Variants in CDH20 observed in about 807,000 individuals in gnomAD.
CDH20 encodes the protein cadherin 20.
CDH20 carries 29 observed loss-of-function variants against 74.2 expected under a neutral mutation model. That is an observed-to-expected ratio of 0.39 (90% CI 0.29 to 0.53). The LOEUF (loss-of-function observed/expected upper bound fraction) is 0.53, where lower values mean the gene tolerates loss of function less well. Among genes scored for constraint, CDH20 ranks in the 20% least tolerant of loss-of-function variants. CDH20 has a pLI of 0.69. For missense variants in CDH20, 988 were observed against 1,048.3 expected (o/e 0.94, Z 0.79); for synonymous variants, 469 against 405.4 (o/e 1.16, Z -1.88).
chr18:61,430,311 T>C (rs532996667), intron 1 of CDH20, among the ~76,000 whole-genome samples: 26 of 152,246 alleles, frequency 1.7e-4, no homozygotes, highest in African/African-American at 5.1e-4. Context: ...TACTAGTCAG[T>C]TGATTTCAGA....
At chr18:61,382,338 T>G (rs1460675012) in intron 1 of CDH20, among the ~76,000 whole-genome samples, 1 of 152,162 alleles carries the variant, frequency 6.6e-6, no homozygotes, top group Non-Finnish European at 1.5e-5. Flanking sequence ...CTAAAGAAAC[T>G]AGAGTAAAAC....
chr18:61,462,569 C>A (rs1599101541), intron 1 of CDH20, among the ~76,000 whole-genome samples: 1 of 152,158 alleles, frequency 6.6e-6, no homozygotes, highest in South Asian at 2.1e-4. Flanking sequence ...TGGAATATAG[C>A]CAGTAACTTT....
At chr18:61,522,882 A>C (rs1912260527) in intron 6 of CDH20, among the ~76,000 whole-genome samples, 3 of 152,142 alleles carry the variant, frequency 2.0e-5, no homozygotes, top group Non-Finnish European at 4.4e-5. Context: ...CTGAAACTGG[A>C]CCCCTTCCTT....
intron 1 of CDH20, among the ~76,000 whole-genome samples, chr18:61,425,420 G>A (rs990045279): frequency 2.0e-5 from 3 of 152,170 alleles, no homozygotes; most frequent in African/African-American, 7.2e-5. Context: ...GGCTGAGGGG[G>A]CAGAGGCATG....
chr18:61,337,312 A>G lies in CDH20; in HGVS notation c.-153+3485A>G, dbSNP rs114851751. Among the ~76,000 whole-genome samples, 1,371 of 152,286 alleles carry G rather than the reference A, an allele frequency of 9.0e-3. 17 individuals are homozygous for G. Among genetic ancestry groups the G allele is most frequent in the African/African-American group, 0.03 (1,263 of 41,556 alleles). ...ATATGGGGAAAATTTCTTGCCCTCT[A>G]AAAACAGCATGTGAAGTTATAATAA... is the stretch of plus-strand genomic sequence containing the variant. On this transcript the variant is annotated intron_variant, in intron 1 of 11. Transcript: ENST00000262717.
intron 1 of CDH20, among the ~76,000 whole-genome samples, chr18:61,336,056 G>C (rs1244530407): frequency 6.6e-6 from 1 of 152,200 alleles, no homozygotes; most frequent in Non-Finnish European, 1.5e-5. Context: ...TGTAGTAAGT[G>C]CTGAGGGTTG....
chr18:61,425,292 C>T (rs185822428), intron 1 of CDH20, among the ~76,000 whole-genome samples: 1 of 152,276 alleles, frequency 6.6e-6, no homozygotes, highest in Non-Finnish European at 1.5e-5. Context: ...GAAGATGGAC[C>T]GGGAAGTGAT....
At chr18:61,335,050 A>T (rs1018608974) in intron 1 of CDH20, among the ~76,000 whole-genome samples, 1 of 152,122 alleles carries the variant, frequency 6.6e-6, no homozygotes, top group Non-Finnish European at 1.5e-5. Flanking sequence ...GATCTACCTA[A>T]GAACAACAAA....
At chr18:61,496,650 C>T (rs1404880013) in intron 2 of CDH20, among the ~76,000 whole-genome samples, 2 of 152,176 alleles carry the variant, frequency 1.3e-5, no homozygotes, top group Non-Finnish European at 2.9e-5. Context: ...TCACCTGCGG[C>T]CTGCCGGGAT....
At chr18:61,337,165 A>G (rs1224057374) in intron 1 of CDH20, among the ~76,000 whole-genome samples, 1 of 152,226 alleles carries the variant, frequency 6.6e-6, no homozygotes, top group Non-Finnish European at 1.5e-5. Context: ...CATTTGTTTT[A>G]CTTTGATGGT....
intron 1 of CDH20, among the ~76,000 whole-genome samples, chr18:61,432,064 G>A (rs967303840): frequency 8.6e-5 from 13 of 151,872 alleles, no homozygotes; most frequent in Non-Finnish European, 1.9e-4. Context: ...GGCCAACATG[G>A]TGAAACCCCA....
At chr18:61,406,110 T>TA in intron 1 of CDH20, among the ~76,000 whole-genome samples, 1 of 152,264 alleles carries the variant, frequency 6.6e-6, no homozygotes, top group African/African-American at 2.4e-5. Context: ...AAAGCTTTCC[T>TA]AAAATATTTG....
chr18:61,432,090 C>CA (rs1030933036), intron 1 of CDH20, among the ~76,000 whole-genome samples: 10 of 151,104 alleles, frequency 6.6e-5, no homozygotes, highest in South Asian at 2.1e-4. Context: ...ACTAAAAATA[C>CA]AAAAAAAATT....
At chr18:61,499,529 TACACAC>T in intron 3 of CDH20, 49 bp downstream of exon 3, 1 of 1,046,296 alleles carries the variant, frequency 9.6e-7, no homozygotes, top group Non-Finnish European at 1.4e-6. Flanking sequence ...CCTATATATA[TACACAC>T]ACACACACAT....
intron 1 of CDH20, among the ~76,000 whole-genome samples, chr18:61,430,376 A>T (rs1359051517): frequency 6.6e-6 from 1 of 152,132 alleles, no homozygotes; most frequent in Non-Finnish European, 1.5e-5. Context: ...TCATCACATC[A>T]TATCAGGATA....
intron 1 of CDH20, among the ~76,000 whole-genome samples, chr18:61,434,641 G>A (rs1165766851): frequency 2.6e-5 from 4 of 152,012 alleles, no homozygotes; most frequent in Non-Finnish European, 5.9e-5. Flanking sequence ...GAGGTCTGGT[G>A]GTCCATGAGG....
chr18:61,527,326 GA>G (rs869130272), intron 6 of CDH20, among the ~76,000 whole-genome samples: 5 of 6,716 alleles, frequency 7.4e-4, no homozygotes, highest in African/African-American at 9.5e-4. Context: ...ATTTTTTAAG[GA>G]AAAAAAAAAA....
chr18:61,461,311 C>G (rs1188288868), intron 1 of CDH20, among the ~76,000 whole-genome samples: 1 of 144,042 alleles, frequency 6.9e-6, no homozygotes, highest in Non-Finnish European at 1.5e-5. Flanking sequence ...TAACAAAGTA[C>G]CACAAGCTGG....
chr18:61,454,433 G>A (rs1390345183), intron 1 of CDH20, among the ~76,000 whole-genome samples: 1 of 152,108 alleles, frequency 6.6e-6, no homozygotes, highest in Non-Finnish European at 1.5e-5. Flanking sequence ...GGAATGAAAA[G>A]GGAGGAATAA....
Sources: allele counts gnomAD v4.1 joint callset (sites outside exome capture counted in the v4.1 genomes callset), GRCh38; gene constraint gnomAD v4.1.1; transcripts MANE v1.5; gene names NCBI Gene and HGNC (gene_info 2026-07-23, HGNC 2026-07-21).